The following FBXL13 variants were observed in gnomAD, a reference collection of about 807,000 sequenced individuals.
FBXL13 encodes F-box and leucine rich repeat protein 13, also known as F-box and leucine-rich repeat protein 13.
In FBXL13, 67 loss-of-function variants were observed where a neutral mutation model predicts 83.6. The observed-to-expected ratio is 0.80, with a 90% confidence interval of 0.66 to 0.98. The LOEUF (loss-of-function observed/expected upper bound fraction) is 0.98, where lower values mean the gene tolerates loss of function less well. Among genes scored for constraint, FBXL13 ranks in the 50% least tolerant of loss-of-function variants. The pLI, the probability that FBXL13 is intolerant of heterozygous loss-of-function variation, is 0.00. For missense variants in FBXL13, 822 were observed against 866.5 expected (o/e 0.95, Z 0.64); for synonymous variants, 272 against 299.5 (o/e 0.91, Z 0.95).
downstream of FBXL13, among the ~76,000 whole-genome samples, chr7:102,812,367 T>C (rs1797480398): frequency 6.6e-6 from 1 of 152,234 alleles, no homozygotes; most frequent in South Asian, 2.1e-4. Flanking sequence ...AGTTTAAGAA[T>C]TCCTCCGTTG....
intron 2 of FBXL13, among the ~76,000 whole-genome samples, chr7:103,051,483 G>A (rs1013405465): frequency 4.6e-5 from 7 of 152,102 alleles, no homozygotes; most frequent in Non-Finnish European, 8.8e-5. Context: ...GCTTACCCAC[G>A]ATCCCCAGCT....
At chr7:102,883,779 G>A in intron 12 of FBXL13, 94 bp from the exon 14 acceptor site, 1 of 719,180 alleles carries the variant, frequency 1.4e-6, no homozygotes, top group Non-Finnish European at 2.3e-6. Context: ...ATTAGAGACA[G>A]ACATGTTAAC....
At chr7:102,831,301 C>T (rs1800621864) in intron 18 of FBXL13, among the ~76,000 whole-genome samples, 1 of 151,800 alleles carries the variant, frequency 6.6e-6, no homozygotes, top group Non-Finnish European at 1.5e-5. Flanking sequence ...CACCAGAGAA[C>T]ATGTGGTAAG....
At chr7:102,880,806 C>A (rs1293068863) in intron 14 of FBXL13, among the ~76,000 whole-genome samples, 1 of 152,204 alleles carries the variant, frequency 6.6e-6, no homozygotes, top group East Asian at 1.9e-4. Context: ...TGAGACCACT[C>A]TGCCCCCTTA....
chr7:102,943,915 AC>A (rs1264813871), intron 8 of FBXL13, among the ~76,000 whole-genome samples: 1 of 152,134 alleles, frequency 6.6e-6, no homozygotes, highest in Non-Finnish European at 1.5e-5. Flanking sequence ...TTAGGACCCC[AC>A]CTTCCCACCA....
chr7:103,019,940 C>T (rs1370105367), intron 6 of FBXL13, among the ~76,000 whole-genome samples: 3 of 152,052 alleles, frequency 2.0e-5, no homozygotes, highest in African/African-American at 4.8e-5. Context: ...TTCCAATCAA[C>T]AGAAAAAGAG....
At chr7:102,944,579 A>T in intron 8 of FBXL13, 1 of 1,609,274 alleles carries the variant, frequency 6.2e-7, no homozygotes, top group South Asian at 1.1e-5. Context: ...GCAAAGAAGC[A>T]AAGCGTAATA....
chr7:102,853,091 T>G (rs1805505607), intron 17 of FBXL13, among the ~76,000 whole-genome samples: 1 of 152,158 alleles, frequency 6.6e-6, no homozygotes, highest in South Asian at 2.1e-4. Flanking sequence ...CCAAACATTG[T>G]ATGTTCTCAC....
intron 8 of FBXL13, among the ~76,000 whole-genome samples, chr7:102,938,343 T>A (rs1485105705): frequency 2.0e-5 from 3 of 152,206 alleles, no homozygotes; most frequent in African/African-American, 7.2e-5. Flanking sequence ...TGAACAATAG[T>A]TAAGAATTTT....
chr7:102,849,719 TTAA>T (rs1488044812), intron 17 of FBXL13, among the ~76,000 whole-genome samples: 1 of 152,198 alleles, frequency 6.6e-6, no homozygotes, highest in Admixed American at 6.5e-5. Context: ...CTTTTGGGAC[TTAA>T]TAATTGGGCT....
intron 16 of FBXL13, among the ~76,000 whole-genome samples, chr7:102,871,926 C>T (rs1335889691): frequency 1.3e-5 from 2 of 152,222 alleles, no homozygotes; most frequent in South Asian, 4.1e-4. Flanking sequence ...CTCCCTGCCC[C>T]CAGTCCTTCT....
intron 6 of FBXL13, among the ~76,000 whole-genome samples, chr7:103,009,251 G>A (rs536116915): frequency 5.3e-5 from 8 of 152,190 alleles, no homozygotes; most frequent in Admixed American, 4.6e-4. Context: ...GCTCATGTGC[G>A]CCACTCTCAC....
chr7:102,899,277 T>C lies in FBXL13; in HGVS notation c.1008+13809A>G, dbSNP rs76116789. On this transcript the variant is annotated intron_variant, in intron 11 of 19. Coordinates refer to ENST00000313221, the Ensembl canonical transcript of FBXL13. ...AAATTACAGACTCAACAGAGTTGTA[T>C]CAGTTTCTTTCAATTGCAATGATGG... is the stretch of plus-strand genomic sequence containing the variant. Among the ~76,000 whole-genome samples the C allele has an allele frequency of 3.7e-3, 568 of 152,348 alleles. 5 individuals are homozygous for C. The highest frequency in any genetic ancestry group is 0.013 in the African/African-American group (561 of 41,574).
chr7:102,969,290 A>C (rs2129481211), intron 6 of FBXL13, among the ~76,000 whole-genome samples: 1 of 152,310 alleles, frequency 6.6e-6, no homozygotes, highest in Middle Eastern at 3.4e-3. Context: ...TATTTAGTAC[A>C]GTAACATGCT....
chr7:102,930,393 C>T (rs887960946), intron 9 of FBXL13, among the ~76,000 whole-genome samples: 2 of 152,060 alleles, frequency 1.3e-5, no homozygotes. Context: ...CATTTCCCTG[C>T]CCCTGTTTTC....
At chr7:102,942,293 C>T (rs761302563) in intron 8 of FBXL13, 6 of 1,598,032 alleles carry the variant, frequency 3.8e-6, no homozygotes, top group Non-Finnish European at 8.5e-7. Flanking sequence ...ATTTCAGGGT[C>T]TTTGAGATGA....
intron 6 of FBXL13, among the ~76,000 whole-genome samples, chr7:102,987,163 C>T (rs1017698318): frequency 2.0e-5 from 3 of 151,668 alleles, no homozygotes; most frequent in South Asian, 2.1e-4. Context: ...AGGGAGAGGG[C>T]GAGAGAGGAG....
chr7:102,894,268 G>C (rs1277612828), intron 11 of FBXL13, among the ~76,000 whole-genome samples: 3 of 152,194 alleles, frequency 2.0e-5, no homozygotes, highest in African/African-American at 7.2e-5. Flanking sequence ...TTTGCAGTTT[G>C]TACAGCCTAC....
At chr7:103,029,381 T>G in exon 3 of FBXL13, 2 of 1,544,944 alleles carry the variant, frequency 1.3e-6, no homozygotes, top group Non-Finnish European at 1.7e-6. Context: ...ATGTCCAGTA[T>G]AAAAGCTACA....
Sources: gnomAD v4.1 joint callset for allele counts (sites outside exome capture counted in the v4.1 genomes callset) on GRCh38, gnomAD v4.1.1 for gene constraint, MANE v1.5 for transcripts, NCBI Gene and HGNC (gene_info 2026-07-23, HGNC 2026-07-21) for gene names.